Variants in EXD3 observed in about 807,000 individuals in gnomAD.
The protein encoded by EXD3 is exonuclease mut-7 homolog.
In EXD3, 92 loss-of-function variants were observed where a neutral mutation model predicts 98.0. That is an observed-to-expected ratio of 0.94 (90% CI 0.79 to 1.12). The LOEUF (loss-of-function observed/expected upper bound fraction) is 1.12. Ranked by LOEUF, EXD3 falls within the 50% of genes most tolerant of loss-of-function variation. The pLI is 0.00. For missense variants in EXD3, 1,222 were observed against 1,191.6 expected, an observed-to-expected ratio of 1.03 and a Z score of -0.38; for synonymous variants, 569 against 526.0, an observed-to-expected ratio of 1.08 and a Z score of -1.12.
chr9:137,317,081 G>C (rs1429607852), intron 19 of EXD3, among the ~76,000 whole-genome samples: 2 of 152,132 alleles, frequency 1.3e-5, no homozygotes, highest in African/African-American at 4.8e-5. Flanking sequence ...AGCGTGGCGG[G>C]CCTGGAGGGG....
intron 19 of EXD3, among the ~76,000 whole-genome samples, chr9:137,313,345 G>A (rs1831465825): frequency 6.6e-6 from 1 of 152,150 alleles, no homozygotes; most frequent in South Asian, 2.1e-4. Flanking sequence ...CCTCCTGCCT[G>A]CCGGCCACCC....
rs1045299370 is a variant in EXD3 at position 137,407,405 on chromosome 9, A to G, written c.-47-12001T>C. Among the ~76,000 whole-genome samples the G allele has an allele frequency of 2.0e-5, 3 of 152,200 alleles. No individual in the cohort carries two copies. Among genetic ancestry groups the G allele is most frequent in the African/African-American group, 7.2e-5 (3 of 41,450 alleles). On this transcript the variant is annotated intron_variant, in intron 1 of 21. Transcript: ENST00000340951. The surrounding 1 kb of genome is among the most constrained non-coding windows in gnomAD (Gnocchi z 4.4). ...CACCCACCTGAGGTCCTGGCCCCCA[A>G]GGGGCCATCTGCCCCCGGCTCACCG...
chr9:137,309,908 A>G (rs28434345), intron 19 of EXD3, among the ~76,000 whole-genome samples: 122,862 of 152,232 alleles, frequency 0.81, 50,118 homozygotes, highest in East Asian at 1. Context: ...CTGGCTTCTC[A>G]TGGGCCCTGG....
rs371205850 is a variant in EXD3 at position 137,349,561 on chromosome 9, C to T, written c.1495-30G>A. On this transcript the variant is annotated intron_variant, in intron 14 of 21. Coordinates refer to ENST00000340951, the MANE Select transcript of EXD3 (RefSeq NM_017820.5). This position sits in a 1 kb window ranked among gnomAD's most constrained non-coding sequence, Gnocchi z 7.4. ...TAAGACAGTGCCCTGCAGGGTAACGCGTCTGGCCCTGGCGGCAGCACAGTC... is the reference window on the plus strand; with the variant it reads ...TAAGACAGTGCCCTGCAGGGTAACGTGTCTGGCCCTGGCGGCAGCACAGTC... The T allele has an allele frequency of 3.3e-4, 501 of 1,525,702 alleles. No individual in the cohort carries two copies. In the African/African-American group the frequency reaches 6.0e-3, roughly 18 times the overall value. The allele number at this position is 1,525,702 out of a possible 1,614,324, so 94.5% of individuals were successfully genotyped here.
intron 1 of EXD3, among the ~76,000 whole-genome samples, chr9:137,410,505 AT>A (rs1161276942): frequency 1.3e-5 from 2 of 150,334 alleles, no homozygotes; most frequent in Non-Finnish European, 3.0e-5. Flanking sequence ...AAAAAAAAAA[AT>A]TAACAACCAA....
At chr9:137,346,257 A>AAAAAAAAAAAAAAAAAAAAAAAAAT (rs1473449211) in intron 17 of EXD3, among the ~76,000 whole-genome samples, 1 of 149,346 alleles carries the variant, frequency 6.7e-6, no homozygotes, top group African/African-American at 2.5e-5. Flanking sequence ...AAAAAAAAAA[A>AAAAAAAAAAAAAAAAAAAAAAAAAT]AAAAAAAAAA....
At chr9:137,414,089 G>C (rs961397608) in intron 1 of EXD3, among the ~76,000 whole-genome samples, 1 of 151,642 alleles carries the variant, frequency 6.6e-6, no homozygotes, top group Non-Finnish European at 1.5e-5. Flanking sequence ...GCTAATTTTT[G>C]TATTTTTAGT....
At chr9:137,336,512 T>C (rs1833359044) in intron 17 of EXD3, among the ~76,000 whole-genome samples, 1 of 151,902 alleles carries the variant, frequency 6.6e-6, no homozygotes, top group Non-Finnish European at 1.5e-5. Flanking sequence ...AATACAAACA[T>C]TAGCTGGGTG....
intron 20 of EXD3, among the ~76,000 whole-genome samples, chr9:137,307,951 C>T (rs1276340570): frequency 1.5e-5 from 2 of 129,472 alleles, no homozygotes; most frequent in South Asian, 2.5e-4. Flanking sequence ...AACCGGCGGG[C>T]GGGGGCGGGG....
intron 2 of EXD3, among the ~76,000 whole-genome samples, chr9:137,389,036 C>G (rs1836758524): frequency 6.6e-6 from 1 of 152,198 alleles, no homozygotes; most frequent in Admixed American, 6.5e-5. Context: ...CGCCCACCCA[C>G]CACGCACTGG....
rs1332085502 is a variant in EXD3 at position 137,405,990 on chromosome 9, CGGGA to C, written c.-47-10590_-47-10587del. On this transcript the variant is annotated intron_variant, in intron 1 of 21. Coordinates refer to ENST00000340951, the MANE Select transcript of EXD3 (RefSeq NM_017820.5). This position sits in a 1 kb window ranked among gnomAD's most constrained non-coding sequence, Gnocchi z 4.1. ...ATCCCAGCCTTGTGGGAGGCCGAGG[CGGGA>C]GGATCACTTGAGCTCAGGAGTTTGA... 2.0e-5 allele frequency among the ~76,000 whole-genome samples: 3 copies of C among 151,962 alleles called. No homozygotes were observed. The highest frequency in any genetic ancestry group is 3.9e-4 in the East Asian group (2 of 5,192).
chr9:137,328,126 T>C, intron 17 of EXD3, among the ~76,000 whole-genome samples: 1 of 149,588 alleles, frequency 6.7e-6, no homozygotes, highest in Non-Finnish European at 1.5e-5. Flanking sequence ...ATATGATGAG[T>C]AAAAACAACG....
intron 7 of EXD3, among the ~76,000 whole-genome samples, chr9:137,358,220 C>G (rs1321452100): frequency 6.6e-6 from 1 of 152,236 alleles, no homozygotes; most frequent in Non-Finnish European, 1.5e-5. Context: ...CAACACTGCC[C>G]TGCAGAGGAA....
At chr9:137,412,259 A>G (rs1340225604) in intron 1 of EXD3, among the ~76,000 whole-genome samples, 1 of 152,164 alleles carries the variant, frequency 6.6e-6, no homozygotes. Context: ...CCCACCTCAT[A>G]TTGTCTGACA....
At chr9:137,390,119 CAAAAAAAAAAAAAA>C (rs34716316) in intron 2 of EXD3, among the ~76,000 whole-genome samples, 9 of 23,382 alleles carry the variant, frequency 3.8e-4, no homozygotes, top group Non-Finnish European at 4.9e-4. Flanking sequence ...GAGACTCTGT[CAAAAAAAAAAAAAA>C]AAAAAAAAAA....
At position 137,373,426 on chromosome 9, in the gene EXD3, C is replaced by A. The variant is rs772473403; in HGVS notation, c.294G>T (p.Gln98His). The A allele has an allele frequency of 6.2e-7, 1 of 1,606,116 alleles. No individual in the cohort carries two copies. Among genetic ancestry groups the A allele is most frequent in the Non-Finnish European group, 8.5e-7 (1 of 1,179,250 alleles). The change falls in exon 4 of 22, where the codon CAG becomes CAT. Residue 98 changes from glutamine (Q) to histidine (H), a missense_variant and splice_region_variant. Coordinates refer to ENST00000340951, the MANE Select transcript of EXD3 (RefSeq NM_017820.5). ...ACTGTCACAGAACCCATGGGCTCAC[C>A]TGGGCCAGGCTCGGGCATGGCTGTG... Reference protein sequence around the residue: ...LQAQPCPSLAQHSLRLKQLQA... With the variant: ...LQAQPCPSLAHHSLRLKQLQA...
At position 137,324,779 on chromosome 9, in the gene EXD3, G is replaced by A. The variant is rs930696895; in HGVS notation, c.1999-636C>T. Among the ~76,000 whole-genome samples the A allele has an allele frequency of 7.2e-5, 11 of 152,076 alleles. No individual in the cohort carries two copies. The highest frequency in any genetic ancestry group is 2.7e-4 in the African/African-American group (11 of 41,412). ...GCTGTCTTGGCTCACTGCAAGCTCC[G>A]CCTCCTGGGTTCATGCCATTCTCCT... On this transcript the variant is annotated intron_variant, in intron 17 of 21. Transcript: ENST00000340951. This position sits in a 1 kb window ranked among gnomAD's most constrained non-coding sequence, Gnocchi z 4.1.
At chr9:137,411,345 G>A (rs565474208) in intron 1 of EXD3, among the ~76,000 whole-genome samples, 67 of 152,238 alleles carry the variant, frequency 4.4e-4, no homozygotes, top group African/African-American at 1.4e-3. Flanking sequence ...GGCTTGCTCC[G>A]GAGATGGGCT....
rs941724456 is a variant in EXD3 at position 137,405,340 on chromosome 9, C to T, written c.-47-9936G>A. Among the ~76,000 whole-genome samples, 1 of 152,220 alleles carries T rather than the reference C, an allele frequency of 6.6e-6. No homozygotes were observed. The highest frequency in any genetic ancestry group is 1.5e-5 in the Non-Finnish European group (1 of 68,032). Reference sequence around the variant, plus strand: ...ACCCCCGCTGCTTCCCCAACTGCTCCCTGGGGACCCCTGGACCACAGGACC... The same window carrying T: ...ACCCCCGCTGCTTCCCCAACTGCTCTCTGGGGACCCCTGGACCACAGGACC... On this transcript the variant is annotated intron_variant, in intron 1 of 21. Transcript: ENST00000340951. The surrounding 1 kb of genome is among the most constrained non-coding windows in gnomAD (Gnocchi z 4.1).
Sources: gnomAD v4.1 joint callset for allele counts (sites outside exome capture counted in the v4.1 genomes callset) on GRCh38, gnomAD v4.1.1 for gene constraint, Gnocchi (gnomAD v3.1) non-coding constraint, MANE v1.5 for transcripts, NCBI Gene and HGNC (gene_info 2026-07-23, HGNC 2026-07-21) for gene names.